SLC10A7: variants seen among roughly 807,000 people sequenced by gnomAD.
The protein encoded by SLC10A7 is solute carrier family 10 member 7.
A neutral mutation model predicts 43.2 loss-of-function variants in SLC10A7; 29 were observed. The ratio of observed to expected loss-of-function variants is 0.67; its 90% CI spans 0.50 to 0.92. The LOEUF (loss-of-function observed/expected upper bound fraction) is 0.92. Among genes scored for constraint, SLC10A7 ranks in the 40% least tolerant of loss-of-function variants. The probability of loss-of-function intolerance (pLI) is 0.00; values close to 1 mark genes in which losing one functional copy is unlikely to be tolerated. For missense variants in SLC10A7, 295 were observed against 403.2 expected (o/e 0.73, Z 2.30); for synonymous variants, 152 against 144.8 (o/e 1.05, Z -0.35).
intron 1 of SLC10A7, among the ~76,000 whole-genome samples, chr4:146,519,198 TA>T (rs1304363439): frequency 7.3e-6 from 1 of 137,500 alleles, no homozygotes; most frequent in African/African-American, 2.7e-5. Context: ...ATAATATACA[TA>T]ATATCTCAAG....
At chr4:146,265,561 A>G (rs930131456) in intron 10 of SLC10A7, among the ~76,000 whole-genome samples, 1 of 152,090 alleles carries the variant, frequency 6.6e-6, no homozygotes, top group Non-Finnish European at 1.5e-5. Flanking sequence ...TGTTGCCATT[A>G]TTTTCTTTTG....
intron 5 of SLC10A7, among the ~76,000 whole-genome samples, chr4:146,347,314 A>C (rs1017756529): frequency 2.0e-5 from 3 of 152,202 alleles, no homozygotes; most frequent in African/African-American, 7.2e-5. Context: ...ATAACCAGTT[A>C]TATCTACCAG....
At chr4:146,391,295 T>C (rs1738408679) in intron 5 of SLC10A7, among the ~76,000 whole-genome samples, 1 of 152,180 alleles carries the variant, frequency 6.6e-6, no homozygotes, top group African/African-American at 2.4e-5. Flanking sequence ...ACTGCAAATG[T>C]GTTAAGAGGA....
chr4:146,399,737 C>G (rs539701051), intron 5 of SLC10A7, among the ~76,000 whole-genome samples: 2 of 152,078 alleles, frequency 1.3e-5, no homozygotes, highest in Non-Finnish European at 2.9e-5. Context: ...CGGGGAGAGG[C>G]ATTCACTGAA....
At chr4:146,461,827 T>TTC (rs1398615111) in intron 4 of SLC10A7, among the ~76,000 whole-genome samples, 1 of 150,186 alleles carries the variant, frequency 6.7e-6, no homozygotes, top group Non-Finnish European at 1.5e-5. Flanking sequence ...ACCAGGCTTT[T>TTC]TTTTTTTTTA....
At chr4:146,445,694 G>A (rs1226262120) in intron 4 of SLC10A7, among the ~76,000 whole-genome samples, 1 of 152,118 alleles carries the variant, frequency 6.6e-6, no homozygotes, top group Non-Finnish European at 1.5e-5. Flanking sequence ...TCAAAGGGTA[G>A]TTAATGTGGA....
chr4:146,451,417 CACAACACA>C (rs1731597525), intron 4 of SLC10A7, among the ~76,000 whole-genome samples: 1 of 151,804 alleles, frequency 6.6e-6, no homozygotes, highest in African/African-American at 2.4e-5. Flanking sequence ...CAGACAAGGA[CACAACACA>C]AAAAGAAAAC....
rs1737813572 is a variant in SLC10A7, at chr4:146,514,986, C to A, written c.183+2052G>T. 3 of 602,692 alleles carry A rather than the reference C, an allele frequency of 5.0e-6. No homozygotes were observed. In the South Asian group the frequency reaches 6.1e-5, roughly 12 times the overall value. The allele number at this position is 602,692 out of a possible 1,614,324, so 37.3% of individuals were successfully genotyped here. A position where few individuals can be genotyped will look rare whatever the true frequency, so the allele number is the denominator to read the frequency against. ...GATACCACGATAAAGCACGAGATCA[C>A]GGCATTTCATTAGATCCAAATTAGC... On this transcript the variant is annotated intron_variant, in intron 2 of 11. Transcript: ENST00000335472.
intron 7 of SLC10A7, among the ~76,000 whole-genome samples, chr4:146,303,124 C>T (rs1731269808): frequency 1.3e-5 from 2 of 152,140 alleles, no homozygotes. Context: ...GTATAAAGAC[C>T]AGGTGCTCTT....
chr4:146,320,274 C>T lies in SLC10A7; in HGVS notation c.471+5687G>A, dbSNP rs572175636. ...AGTTAAGAGTTCAGCAGGGTTAGTACTTTGCCAGGCAAATATGAAGCAGTA... is the reference window on the plus strand; with the variant it reads ...AGTTAAGAGTTCAGCAGGGTTAGTATTTTGCCAGGCAAATATGAAGCAGTA... On this transcript the variant is annotated intron_variant, in intron 6 of 11. Coordinates refer to ENST00000335472, the MANE Select transcript of SLC10A7 (RefSeq NM_001029998.6). Among the ~76,000 whole-genome samples the T allele has an allele frequency of 4.0e-3, 616 of 152,106 alleles. 1 individual carries two copies. The highest frequency in any genetic ancestry group is 0.014 in the African/African-American group (576 of 41,512).
At chr4:146,399,729 G>C (rs1013487061) in intron 5 of SLC10A7, among the ~76,000 whole-genome samples, 5 of 152,132 alleles carry the variant, frequency 3.3e-5, no homozygotes, top group African/African-American at 1.2e-4. Flanking sequence ...CCACGTAACG[G>C]GGAGAGGCAT....
chr4:146,366,751 T>G (rs914060881), intron 5 of SLC10A7, among the ~76,000 whole-genome samples: 18 of 152,208 alleles, frequency 1.2e-4, no homozygotes, highest in Non-Finnish European at 2.2e-4. Flanking sequence ...ATTTTTATAA[T>G]AAAACAGCTT....
At position 146,451,231 on chromosome 4, in the gene SLC10A7, C is replaced by CAAAAAAAAA. The variant is rs572993886; in HGVS notation, c.397-8419_397-8411dup. Among the ~76,000 whole-genome samples the CAAAAAAAAA allele has an allele frequency of 8.4e-5, 6 of 71,690 alleles. 1 individual carries two copies. The highest frequency in any genetic ancestry group is 1.4e-4 in the Non-Finnish European group (5 of 36,518). The allele number at this position is 71,690 out of a possible 152,430, so 47.0% of individuals were successfully genotyped here. On this transcript the variant is annotated intron_variant, in intron 4 of 11. Transcript: ENST00000335472. ...CAAGGCTGAATCAGAAGTCTCCCACCAAAAAAAAAAAAAAAAAAACAAAAA... is the reference window on the plus strand; with the variant it reads ...CAAGGCTGAATCAGAAGTCTCCCACCAAAAAAAAAAAAAAAAAAAAAAAAAAAACAAAAA...
At chr4:146,318,414 T>C (rs1210972619) in intron 6 of SLC10A7, among the ~76,000 whole-genome samples, 1 of 152,048 alleles carries the variant, frequency 6.6e-6, no homozygotes, top group Non-Finnish European at 1.5e-5. Flanking sequence ...AGTTGATCAC[T>C]CTCCCCTTTT....
intron 7 of SLC10A7, among the ~76,000 whole-genome samples, chr4:146,298,136 ATTCCTCAC>A (rs1238203342): frequency 6.6e-6 from 1 of 152,140 alleles, no homozygotes; most frequent in Non-Finnish European, 1.5e-5. Flanking sequence ...TGTTGGGCAA[ATTCCTCAC>A]TTTCCGTGTG....
At chr4:146,517,282 GC>G (rs1254283379) in intron 1 of SLC10A7, among the ~76,000 whole-genome samples, 162 bp from the exon 2 acceptor site, 4 of 151,976 alleles carry the variant, frequency 2.6e-5, no homozygotes, top group African/African-American at 9.7e-5. Flanking sequence ...GACCAACATG[GC>G]AAAACCCAGT....
intron 4 of SLC10A7, among the ~76,000 whole-genome samples, chr4:146,473,341 A>G (rs781066363): frequency 2.0e-5 from 3 of 152,182 alleles, no homozygotes; most frequent in Non-Finnish European, 4.4e-5. Flanking sequence ...CATGTATGAC[A>G]TATATGTTTT....
intron 7 of SLC10A7, among the ~76,000 whole-genome samples, chr4:146,303,420 C>T (rs1731295275): frequency 1.3e-5 from 2 of 149,832 alleles, no homozygotes; most frequent in African/African-American, 4.9e-5. Flanking sequence ...CTCTGTTGCC[C>T]AGGCTGGAGT....
At chr4:146,323,610 G>C (rs1021137031) in intron 6 of SLC10A7, among the ~76,000 whole-genome samples, 2 of 152,196 alleles carry the variant, frequency 1.3e-5, no homozygotes, top group African/African-American at 4.8e-5. Flanking sequence ...GTACCATGCT[G>C]TTTTGGTTAC....
Sources: gnomAD v4.1 joint callset for allele counts (sites outside exome capture counted in the v4.1 genomes callset) on GRCh38, gnomAD v4.1.1 for gene constraint, MANE v1.5 for transcripts, NCBI Gene and HGNC (gene_info 2026-07-23, HGNC 2026-07-21) for gene names.